EYS: variants seen among roughly 807,000 people sequenced by gnomAD.
EYS encodes EGF-like photoreceptor maintenance factor.
Under a neutral mutation model 282.1 loss-of-function variants are expected in EYS, and 250 were observed. The observed-to-expected ratio is 0.89, with a 90% CI of 0.80 to 0.98. The LOEUF (loss-of-function observed/expected upper bound fraction) is 0.98. Among genes scored for constraint, EYS ranks in the 50% least tolerant of loss-of-function variants. EYS has a pLI of 0.00. For missense variants in EYS, 4,016 were observed against 3,709.0 expected (o/e 1.08, Z -2.15); for synonymous variants, 1,355 against 1,282.9 (o/e 1.06, Z -1.20).
chr6:64,798,424 T>C (rs1774426587), intron 22 of EYS, among the ~76,000 whole-genome samples: 1 of 151,880 alleles, frequency 6.6e-6, no homozygotes. Flanking sequence ...TTTAAGTTAC[T>C]TTAAGCTTTT....
intron 12 of EYS, among the ~76,000 whole-genome samples, chr6:65,194,890 C>G (rs1765728705): frequency 6.6e-6 from 1 of 150,544 alleles, no homozygotes; most frequent in South Asian, 2.2e-4. Flanking sequence ...CAGTAGAACA[C>G]TATATTAAAC....
intron 40 of EYS, among the ~76,000 whole-genome samples, chr6:63,763,869 G>GTT (rs1365433281): frequency 6.8e-4 from 62 of 90,612 alleles, no homozygotes; most frequent in Middle Eastern, 5.7e-3. Flanking sequence ...GTTATATCTT[G>GTT]TTATATATAT....
At chr6:64,147,278 T>C (rs1048300895) in intron 31 of EYS, among the ~76,000 whole-genome samples, 6 of 152,142 alleles carry the variant, frequency 3.9e-5, no homozygotes, top group Admixed American at 1.3e-4. Context: ...CTAATTCACA[T>C]GGACCTATTG....
intron 26 of EYS, among the ~76,000 whole-genome samples, chr6:64,449,200 G>A (rs1009856253): frequency 5.9e-5 from 9 of 152,098 alleles, no homozygotes; most frequent in Non-Finnish European, 5.9e-5. Flanking sequence ...CGAGAACTAC[G>A]TGATGAATGC....
chr6:64,207,358 C>T (rs1355719507), intron 31 of EYS, among the ~76,000 whole-genome samples: 1 of 151,990 alleles, frequency 6.6e-6, no homozygotes, highest in Non-Finnish European at 1.5e-5. Context: ...TTCCAAGGCT[C>T]CAGAACGAGG....
chr6:64,187,879 C>A (rs926535965), intron 31 of EYS, among the ~76,000 whole-genome samples: 1 of 151,710 alleles, frequency 6.6e-6, no homozygotes, highest in Non-Finnish European at 1.5e-5. Context: ...GATTTCTTTA[C>A]AAATTATAAT....
intron 2 of EYS, among the ~76,000 whole-genome samples, chr6:65,529,059 A>C (rs1376907514): frequency 6.6e-6 from 1 of 152,172 alleles, no homozygotes; most frequent in Non-Finnish European, 1.5e-5. Context: ...GTTCTCTAGA[A>C]GATCAAAATT....
intron 22 of EYS, among the ~76,000 whole-genome samples, chr6:64,646,873 A>C (rs1051459108): frequency 1.3e-5 from 2 of 152,100 alleles, no homozygotes; most frequent in African/African-American, 4.8e-5. Flanking sequence ...GAGCATAATA[A>C]TACTATTAAC....
At chr6:64,010,957 G>A (rs113047466) in intron 33 of EYS, among the ~76,000 whole-genome samples, 3,255 of 151,614 alleles carry the variant, frequency 0.021, 98 homozygotes, top group African/African-American at 0.064. Flanking sequence ...CTTTTTCTGA[G>A]TATATATATA....
intron 33 of EYS, among the ~76,000 whole-genome samples, chr6:64,030,519 T>C (rs537295037): frequency 4.3e-4 from 65 of 152,310 alleles, no homozygotes; most frequent in Non-Finnish European, 7.9e-4. Context: ...CTCTGCACCT[T>C]CTTAGGGAAA....
chr6:65,235,366 A>T (rs1168067625), intron 12 of EYS, among the ~76,000 whole-genome samples: 1 of 152,164 alleles, frequency 6.6e-6, no homozygotes, highest in African/African-American at 2.4e-5. Flanking sequence ...CACTATGAAG[A>T]GTTGGATGTA....
chr6:64,750,797 G>C (rs1772721372), intron 22 of EYS, among the ~76,000 whole-genome samples: 2 of 152,082 alleles, frequency 1.3e-5, no homozygotes, highest in Admixed American at 1.3e-4. Context: ...AAAAGCAAAG[G>C]ACACTTCAGA....
At chr6:64,451,225 A>T (rs553929595) in intron 26 of EYS, among the ~76,000 whole-genome samples, 1 of 152,348 alleles carries the variant, frequency 6.6e-6, no homozygotes, top group East Asian at 1.9e-4. Flanking sequence ...AGAATACTAT[A>T]AACACCTCTA....
chr6:65,043,551 C>T (rs143934154), intron 13 of EYS, among the ~76,000 whole-genome samples: 3 of 151,402 alleles, frequency 2.0e-5, no homozygotes, highest in Non-Finnish European at 3.0e-5. Context: ...CCCTCCTGCG[C>T]CCCTCCTCCA....
intron 31 of EYS, among the ~76,000 whole-genome samples, chr6:64,105,744 G>A (rs1211312927): frequency 6.6e-6 from 1 of 152,002 alleles, no homozygotes; most frequent in Non-Finnish European, 1.5e-5. Context: ...TTTCCTCCAT[G>A]TTCTTTCATG....
intron 12 of EYS, among the ~76,000 whole-genome samples, chr6:65,072,989 A>G (rs1773944602): frequency 6.6e-6 from 1 of 151,504 alleles, no homozygotes; most frequent in Non-Finnish European, 1.5e-5. Context: ...ATGAACAAAC[A>G]TTATACGACA....
intron 30 of EYS, among the ~76,000 whole-genome samples, chr6:64,240,030 T>C (rs1332136162): frequency 6.6e-6 from 1 of 152,166 alleles, no homozygotes; most frequent in Non-Finnish European, 1.5e-5. Flanking sequence ...CCATTGCTTG[T>C]TTTTCTCAGG....
intron 24 of EYS, among the ~76,000 whole-genome samples, chr6:64,595,737 A>G (rs1272594430): frequency 6.6e-6 from 1 of 152,198 alleles, no homozygotes; most frequent in Non-Finnish European, 1.5e-5. Flanking sequence ...CAAGGAGGTG[A>G]AAAATCTGCA....
chr6:64,310,772 AAAAG>A (rs869036844), intron 29 of EYS, among the ~76,000 whole-genome samples: 4 of 96,308 alleles, frequency 4.2e-5, no homozygotes, highest in Admixed American at 1.1e-4. Context: ...AAGGTGAAAA[AAAAG>A]AGAGAGAGAG....
Sources: gnomAD v4.1 joint callset for allele counts (sites outside exome capture counted in the v4.1 genomes callset) on GRCh38, gnomAD v4.1.1 for gene constraint, MANE v1.5 for transcripts, NCBI Gene and HGNC (gene_info 2026-07-23, HGNC 2026-07-21) for gene names.